The following NUP54 variants were observed in gnomAD, a reference collection of about 807,000 sequenced individuals.
NUP54 encodes nucleoporin p54.
Under a neutral mutation model 66.4 loss-of-function variants are expected in NUP54, and 27 were observed. The ratio of observed to expected loss-of-function variants is 0.41; its 90% CI spans 0.30 to 0.56. The LOEUF (loss-of-function observed/expected upper bound fraction) is 0.56. NUP54 is among the 20% of genes least tolerant of loss of function. NUP54 has a pLI of 0.34. For missense variants in NUP54, 486 were observed against 596.3 expected (o/e 0.82, Z 1.93); for synonymous variants, 206 against 210.7 (o/e 0.98, Z 0.19).
At chr4:76,118,393 T>C (rs1170216387) in intron 9 of NUP54, 199 bp from the exon 10 acceptor site, 7 of 539,252 alleles carry the variant, frequency 1.3e-5, no homozygotes, top group African/African-American at 3.8e-5. Context: ...ATAGACTTAA[T>C]TGTTTTTTTT....
At chr4:76,115,515 A>C in intron 11 of NUP54, 21 bp from the exon 12 acceptor site, 2 of 1,574,342 alleles carry the variant, frequency 1.3e-6, no homozygotes, top group Non-Finnish European at 1.7e-6. Flanking sequence ...TTAAGAAACA[A>C]CATATTAATG....
intron 1 of NUP54, chr4:76,147,464 A>G (rs1219443986): frequency 4.7e-6 from 6 of 1,288,342 alleles, no homozygotes; most frequent in Non-Finnish European, 5.1e-6. Flanking sequence ...TACACATACA[A>G]CCCGCAGTAT....
At chr4:76,135,674 G>T (rs930597072) in intron 4 of NUP54, among the ~76,000 whole-genome samples, 2 of 152,218 alleles carry the variant, frequency 1.3e-5, no homozygotes, top group African/African-American at 4.8e-5. Flanking sequence ...TATGGAAAAT[G>T]CATTACCAAA....
intron 8 of NUP54, among the ~76,000 whole-genome samples, chr4:76,127,309 G>A (rs1730582870): frequency 6.6e-6 from 1 of 151,656 alleles, no homozygotes; most frequent in Non-Finnish European, 1.5e-5. Context: ...GTGGGCGCCT[G>A]TAGTCCTAGC....
chr4:76,131,156 T>C lies in NUP54; in HGVS notation c.962+74A>G, dbSNP rs554901464. 1.6e-5 allele frequency: 14 copies of C among 889,992 alleles called. No individual in the cohort carries two copies. The African/African-American group carries it at 2.4e-4, about 15-fold the overall frequency. 55.1% of individuals were successfully genotyped at this position (889,992 alleles called of 1,614,324 possible). A position where few individuals can be genotyped will look rare whatever the true frequency, so the allele number is the denominator to read the frequency against. On this transcript the variant is annotated intron_variant, in intron 7 of 11. Transcript: ENST00000264883. ...CTTGTCTCATATGTAAGAATTATAA[T>C]TAATAGCTCCCATGTTTGCTTTCCT...
At chr4:76,134,700 T>C (rs1730957508) in intron 4 of NUP54, among the ~76,000 whole-genome samples, 1 of 149,816 alleles carries the variant, frequency 6.7e-6, no homozygotes, top group Non-Finnish European at 1.5e-5. Flanking sequence ...ACTGCAAAAA[T>C]CACCAACTAA....
intron 5 of NUP54, 91 bp from the exon 6 acceptor site, chr4:76,132,810 T>C: frequency 1.0e-6 from 1 of 960,616 alleles, no homozygotes; most frequent in Non-Finnish European, 1.5e-6. Flanking sequence ...TTCAGAAGGG[T>C]TTAAGTTGAA....
rs10567711 is a variant in NUP54, at chr4:76,124,624, T to TGGG, written c.1164+22_1164+24dup. The TGGG allele has an allele frequency of 1.2e-4, 130 of 1,041,300 alleles. 1 individual carries two copies. The African/African-American group carries it at 1.8e-3, about 15-fold the overall frequency. The allele number at this position is 1,041,300 out of a possible 1,614,324, so 64.5% of individuals were successfully genotyped here. On this transcript the variant is annotated intron_variant, in intron 9 of 11. Coordinates refer to ENST00000264883, the MANE Select transcript of NUP54 (RefSeq NM_017426.4). ...TTCACACACATAGTCTTATAAACAC[T>TGGG]GGGGGGGAAAATCCAAATTACTACC...
At chr4:76,147,378 C>T in intron 1 of NUP54, 1 of 661,970 alleles carries the variant, frequency 1.5e-6, no homozygotes, top group Non-Finnish European at 2.1e-6. Context: ...ATTTCCTTTC[C>T]CTATTAGACA....
Position 76,145,965 on chromosome 4 carries a change from T to C in NUP54, c.68-1492A>G, listed in dbSNP as rs1440809320. 4 of 294,170 alleles carry C rather than the reference T, an allele frequency of 1.4e-5. No individual in the cohort carries two copies. The Middle Eastern group carries it at 1.9e-3, about 138-fold the overall frequency. 18.2% of individuals were successfully genotyped at this position (294,170 alleles called of 1,614,324 possible). A position where few individuals can be genotyped will look rare whatever the true frequency, so the allele number is the denominator to read the frequency against. ...TGCAGTACTGCAAACTATAAACATT[T>C]TCATAAAAGTCACCCACAGTACTAA... On this transcript the variant is annotated intron_variant, in intron 1 of 11. Transcript: ENST00000264883.
At chr4:76,134,004 T>A (rs191315752) in intron 5 of NUP54, among the ~76,000 whole-genome samples, 171 bp downstream of exon 5, 6 of 152,212 alleles carry the variant, frequency 3.9e-5, no homozygotes, top group Middle Eastern at 3.4e-3. Context: ...TCCAAAATTT[T>A]AAAAAAACTT....
intron 8 of NUP54, among the ~76,000 whole-genome samples, chr4:76,126,775 A>C (rs1730555283): frequency 6.6e-6 from 1 of 152,240 alleles, no homozygotes; most frequent in Admixed American, 6.5e-5. Context: ...ACATTCATGG[A>C]TGAAATGATT....
chr4:76,131,199 C>A, intron 7 of NUP54, 31 bp downstream of exon 7: 1 of 1,430,958 alleles, frequency 7.0e-7, no homozygotes, highest in Non-Finnish European at 9.7e-7. Flanking sequence ...AATATTAGTT[C>A]TTAAATGAAA....
In NUP54 at chr4:76,144,473, C is replaced by G. The variant is rs200030548; in HGVS notation, c.68G>C (p.Gly23Ala). 1.3e-5 allele frequency: 21 copies of G among 1,580,086 alleles called. No homozygotes were observed. In the East Asian group the frequency reaches 4.7e-4, roughly 35 times the overall value. ...GTAAATAAPA[G>A]GFGGFGTTST... The stretch of plus-strand genomic sequence containing the variant: ...TGTTGTCCCAAATCCTCCAAACCCA[C>G]CTAATTAAAAAAGAACAAAAATAGA... Residue 23 changes from glycine (G) to alanine (A), a missense_variant and splice_region_variant, in exon 2 of 12, where the codon GGT becomes GCT. Coordinates refer to ENST00000264883, the MANE Select transcript of NUP54 (RefSeq NM_017426.4).
intron 1 of NUP54, chr4:76,146,123 A>G (rs1396721096): frequency 2.2e-6 from 1 of 452,024 alleles, no homozygotes; most frequent in African/African-American, 2.0e-5. Context: ...TTTTAGTAAT[A>G]GCAGATCTGC....
At position 76,132,562 on chromosome 4, in the gene NUP54, G is replaced by A. The variant is rs773824142; in HGVS notation, c.868C>T (p.Pro290Ser). ...TGTAAAAGCTGTTTGATCTGTGCAG[G>A]AGAAAGTTCTGTTCTAGTCATAGAA... ...TLSMTRTELS[P>S]AQIKQLLQNP... The change falls in exon 6 of 12, where the codon CCT becomes TCT. Residue 290 changes from proline to serine, a missense_variant. By Grantham distance (74) the Pro-to-Ser change is moderately conservative. Around this residue, in one of 4 missense-constraint regions of NUP54, gnomAD observed 217 missense variants for 247.9 expected, o/e 0.88. Transcript: ENST00000264883. 6.2e-7 allele frequency: 1 copy of A among 1,613,952 alleles called. No homozygotes were observed. The highest frequency in any genetic ancestry group is 1.1e-5 in the South Asian group (1 of 91,050).
intron 9 of NUP54, 22 bp from the exon 10 acceptor site, chr4:76,118,216 A>T: frequency 6.2e-7 from 1 of 1,604,928 alleles, no homozygotes. Flanking sequence ...AAAACCACCA[A>T]TAACAACAGA....
chr4:76,118,004 A>G, intron 10 of NUP54, 71 bp downstream of exon 10: 1 of 1,482,752 alleles, frequency 6.7e-7, no homozygotes, highest in South Asian at 1.2e-5. Flanking sequence ...TCCTGCTTGA[A>G]GATTACATAA....
At chr4:76,125,352 G>GC (rs1553942222) in intron 8 of NUP54, among the ~76,000 whole-genome samples, 4 of 137,108 alleles carry the variant, frequency 2.9e-5, no homozygotes, top group South Asian at 2.3e-4. Context: ...ACACACACAC[G>GC]GCTGGGCACA....
Sources: gnomAD v4.1 joint callset for allele counts (sites outside exome capture counted in the v4.1 genomes callset) on GRCh38, gnomAD v4.1.1 for gene constraint, gnomAD v4.1.1 regional missense constraint, MANE v1.5 for transcripts, NCBI Gene and HGNC (gene_info 2026-07-23, HGNC 2026-07-21) for gene names.